GLCCI1: variants seen among roughly 807,000 people sequenced by gnomAD.
GLCCI1 encodes the protein glucocorticoid induced 1, also known as glucocorticoid-induced transcript 1 protein.
In GLCCI1, 24 loss-of-function variants were observed where a neutral mutation model predicts 52.2. That is an observed-to-expected ratio of 0.46 (90% CI 0.33 to 0.65). The LOEUF is 0.65. Ranked by LOEUF, GLCCI1 falls within the 30% of genes least tolerant of loss-of-function variation. The pLI is 0.02. For synonymous variants in GLCCI1, 310 were observed against 276.5 expected (o/e 1.12, Z -1.20); for missense variants, 704 against 701.5 (o/e 1.00, Z -0.04).
chr7:7,981,143 C>A (rs1780605445), intron 1 of GLCCI1: 1 of 458,094 alleles, frequency 2.2e-6, no homozygotes, highest in Non-Finnish European at 4.2e-6. Flanking sequence ...ATCCAGTGAC[C>A]ACAGATGAGG....
At chr7:7,997,942 TAAATAAA>T (rs1320343430) in intron 1 of GLCCI1, among the ~76,000 whole-genome samples, 15 of 142,644 alleles carry the variant, frequency 1.1e-4, no homozygotes, top group Non-Finnish European at 1.8e-4. Context: ...AATAAATAAA[TAAATAAA>T]TAAATAAATA....
At chr7:8,025,511 T>C (rs181191965) in intron 3 of GLCCI1, among the ~76,000 whole-genome samples, 2 of 151,908 alleles carry the variant, frequency 1.3e-5, no homozygotes, top group Non-Finnish European at 2.9e-5. Context: ...GATAAGTCAA[T>C]AGAATTTATA....
rs181160908 is a variant in GLCCI1, at chr7:8,089,042, C to G, written c.*2504C>G. 7.0e-4 allele frequency: 107 copies of G among 152,662 alleles called. 1 individual carries two copies. The highest frequency in any genetic ancestry group is 5.7e-3 in the Admixed American group (87 of 15,300). The allele number at this position is 152,662 out of a possible 1,614,324, so 9.5% of individuals were successfully genotyped here. A position where few individuals can be genotyped will look rare whatever the true frequency, so the allele number is the denominator to read the frequency against. On this transcript the variant is annotated 3_prime_UTR_variant, in exon 8 of 8. Transcript: ENST00000223145. ...TTGTATTTTTTCAGTATAGAAGTTC[C>G]TGTGTCTTATTTAAATAAAGTTATT...
chr7:8,027,014 G>A (rs1467244062), intron 3 of GLCCI1, among the ~76,000 whole-genome samples: 1 of 152,110 alleles, frequency 6.6e-6, no homozygotes, highest in Non-Finnish European at 1.5e-5. Context: ...TTCCCAAGAA[G>A]GACAGGCACA....
chr7:8,021,137 T>C (rs2127948199), intron 2 of GLCCI1, among the ~76,000 whole-genome samples: 1 of 152,352 alleles, frequency 6.6e-6, no homozygotes, highest in East Asian at 1.9e-4. Context: ...ATATCATTGC[T>C]TTTAAGACGT....
At chr7:8,044,080 G>A (rs1183962113) in intron 3 of GLCCI1, among the ~76,000 whole-genome samples, 7 of 151,990 alleles carry the variant, frequency 4.6e-5, no homozygotes, top group Non-Finnish European at 1.0e-4. Context: ...GAGTAGCTGG[G>A]ACTACAGGCG....
At chr7:8,033,158 A>G (rs1209283685) in intron 3 of GLCCI1, among the ~76,000 whole-genome samples, 2 of 152,032 alleles carry the variant, frequency 1.3e-5, no homozygotes, top group Non-Finnish European at 2.9e-5. Context: ...AAATTACATA[A>G]TCACCTAAGT....
chr7:8,029,784 TAAA>T (rs532614377), intron 3 of GLCCI1, among the ~76,000 whole-genome samples: 154 of 151,844 alleles, frequency 1.0e-3, no homozygotes, highest in African/African-American at 3.6e-3. Context: ...GAAAAAGAAA[TAAA>T]AAGTCATCCC....
At chr7:7,980,574 T>A in intron 1 of GLCCI1, 1 of 608,738 alleles carries the variant, frequency 1.6e-6, no homozygotes, top group Non-Finnish European at 3.0e-6. Context: ...GGACTGGTCA[T>A]GGAGGAGAGT....
At chr7:7,991,928 A>C (rs1443835782) in intron 1 of GLCCI1, among the ~76,000 whole-genome samples, 2 of 152,068 alleles carry the variant, frequency 1.3e-5, no homozygotes, top group Non-Finnish European at 2.9e-5. Context: ...AATTTCAGTT[A>C]CTTTCTCCTC....
intron 6 of GLCCI1, chr7:8,078,879 A>G (rs1353342805): frequency 6.6e-6 from 1 of 152,218 alleles, no homozygotes; most frequent in Non-Finnish European, 1.5e-5. Flanking sequence ...AGGTGACTAT[A>G]ATGATTAAAA....
At position 8,086,556 on chromosome 7, in the gene GLCCI1, T is replaced by TCCA. The variant is rs1489493207; in HGVS notation, c.*21_*23dup. On this transcript the variant is annotated 3_prime_UTR_variant, in exon 8 of 8. Transcript: ENST00000223145. The surrounding 1 kb of genome is among the most constrained non-coding windows in gnomAD (Gnocchi z 4.4). The stretch of plus-strand genomic sequence containing the variant: ...TCATCTAAAAAAGGGGGAGCTGGCC[T>TCCA]CCACCCTATGTTCCATGGATTCGGA... 6.4e-7 allele frequency: 1 copy of TCCA among 1,555,710 alleles called. No individual in the cohort carries two copies. Among genetic ancestry groups the TCCA allele is most frequent in the East Asian group, 2.2e-5 (1 of 44,506 alleles).
chr7:8,020,130 ATTC>A (rs1354982367), intron 2 of GLCCI1, among the ~76,000 whole-genome samples: 5 of 151,888 alleles, frequency 3.3e-5, no homozygotes, highest in Non-Finnish European at 7.4e-5. Flanking sequence ...ATAACAAACT[ATTC>A]TTATTCTGTA....
intron 5 of GLCCI1, among the ~76,000 whole-genome samples, chr7:8,061,551 C>G (rs1782515318): frequency 6.6e-6 from 1 of 150,696 alleles, no homozygotes; most frequent in Non-Finnish European, 1.5e-5. Context: ...AAAGGTTGTA[C>G]TATTTGACTC....
chr7:8,060,603 ATTTTT>A (rs1260678554), intron 5 of GLCCI1, among the ~76,000 whole-genome samples: 1 of 152,090 alleles, frequency 6.6e-6, no homozygotes, highest in Non-Finnish European at 1.5e-5. Context: ...TCTTAACTGG[ATTTTT>A]TTTAACTTAG....
Position 8,086,608 on chromosome 7 carries a change from G to C in GLCCI1, c.*70G>C. The C allele has an allele frequency of 8.0e-7, 1 of 1,251,258 alleles. No homozygotes were observed. The highest frequency in any genetic ancestry group is 2.3e-5 in the East Asian group (1 of 42,950). The allele number at this position is 1,251,258 out of a possible 1,614,324, so 77.5% of individuals were successfully genotyped here. A position where few individuals can be genotyped will look rare whatever the true frequency, so the allele number is the denominator to read the frequency against. On this transcript the variant is annotated 3_prime_UTR_variant, in exon 8 of 8. Coordinates refer to ENST00000223145, the MANE Select transcript of GLCCI1 (RefSeq NM_138426.4). This position sits in a 1 kb window ranked among gnomAD's most constrained non-coding sequence, Gnocchi z 4.4. ...CAAGATTTCAGACATCTGCATGAGT[G>C]ACAAACTTTCTGAACACCACCACCA...
At chr7:8,042,401 T>C (rs898174205) in intron 3 of GLCCI1, among the ~76,000 whole-genome samples, 1 of 152,182 alleles carries the variant, frequency 6.6e-6, no homozygotes, top group African/African-American at 2.4e-5. Flanking sequence ...CAAAATATCA[T>C]TAACAGGAGC....
At chr7:8,003,870 A>G (rs757370827) in intron 1 of GLCCI1, 38 bp from the exon 2 acceptor site, 2 of 1,566,882 alleles carry the variant, frequency 1.3e-6, no homozygotes, top group Non-Finnish European at 1.7e-6. Flanking sequence ...ATTTTATTTT[A>G]TTCACTAATG....
At chr7:8,035,717 A>G (rs1285763645) in intron 3 of GLCCI1, among the ~76,000 whole-genome samples, 4 of 152,172 alleles carry the variant, frequency 2.6e-5, no homozygotes, top group African/African-American at 7.2e-5. Flanking sequence ...TGCAGTGTGG[A>G]TATAGACAGT....
Sources: allele counts gnomAD v4.1 joint callset (sites outside exome capture counted in the v4.1 genomes callset), GRCh38; gene constraint gnomAD v4.1.1; non-coding constraint Gnocchi (gnomAD v3.1); transcripts MANE v1.5; gene names NCBI Gene and HGNC (gene_info 2026-07-23, HGNC 2026-07-21).